GALNT13: variants seen among roughly 807,000 people sequenced by gnomAD.
GALNT13 encodes polypeptide N-acetylgalactosaminyltransferase 13.
A neutral mutation model predicts 64.2 loss-of-function variants in GALNT13; 28 were observed. That is an observed-to-expected ratio of 0.44 (90% CI 0.32 to 0.60). The LOEUF (loss-of-function observed/expected upper bound fraction) is 0.60. GALNT13 is among the 20% of genes least tolerant of loss of function. The pLI is 0.05. For synonymous variants in GALNT13, 214 were observed against 224.6 expected, an observed-to-expected ratio of 0.95 and a Z score of 0.42; for missense variants, 577 against 669.8, an observed-to-expected ratio of 0.86 and a Z score of 1.53.
chr2:154,226,314 A>C (rs1214059639), intron 4 of GALNT13, among the ~76,000 whole-genome samples: 1 of 152,124 alleles, frequency 6.6e-6, no homozygotes, highest in African/African-American at 2.4e-5. Flanking sequence ...CACAAATCAC[A>C]TTCTCTGTCA....
At chr2:153,114,351 C>T in the GALNT13 span, among the ~76,000 whole-genome samples, 1 of 152,078 alleles carries the variant, frequency 6.6e-6, no homozygotes, top group African/African-American at 2.4e-5. Flanking sequence ...CTCCCCTGAC[C>T]CTGGCTCTTG....
chr2:154,166,380 G>T lies in GALNT13; in HGVS notation c.311+25875G>T, dbSNP rs551542152. Among the ~76,000 whole-genome samples the T allele has an allele frequency of 3.9e-5, 6 of 152,298 alleles. No individual in the cohort carries two copies. In the East Asian group the frequency reaches 1.2e-3, roughly 29 times the overall value. ...AGATCACGCCACTGCACTTCAGCCTGGGCAATGAAGTGAGACTCCATCTCA... is the reference window on the plus strand; with the variant it reads ...AGATCACGCCACTGCACTTCAGCCTTGGCAATGAAGTGAGACTCCATCTCA... On this transcript the variant is annotated intron_variant, in intron 4 of 12. Coordinates refer to ENST00000392825, the MANE Select transcript of GALNT13 (RefSeq NM_052917.4).
At chr2:153,573,950 G>T in the GALNT13 span, among the ~76,000 whole-genome samples, 1 of 151,880 alleles carries the variant, frequency 6.6e-6, no homozygotes, top group Admixed American at 6.6e-5. Flanking sequence ...GTACCTTCAG[G>T]TGATTATTTA....
the GALNT13 span, among the ~76,000 whole-genome samples, chr2:153,376,031 C>T: frequency 4.6e-5 from 7 of 152,082 alleles, no homozygotes; most frequent in African/African-American, 1.7e-4. Flanking sequence ...ATTCACTCAT[C>T]CCTGCCCACT....
the GALNT13 span, among the ~76,000 whole-genome samples, chr2:153,274,979 T>G: frequency 6.6e-6 from 1 of 152,246 alleles, no homozygotes; most frequent in African/African-American, 2.4e-5. Flanking sequence ...ATTTCTCATT[T>G]GATAAATTTT....
the GALNT13 span, among the ~76,000 whole-genome samples, chr2:153,510,498 C>T: frequency 6.6e-6 from 1 of 152,116 alleles, no homozygotes; most frequent in South Asian, 2.1e-4. Context: ...AAAGCCAACA[C>T]AGGTAACAAG....
At chr2:153,406,384 T>C in the GALNT13 span, among the ~76,000 whole-genome samples, 1 of 152,204 alleles carries the variant, frequency 6.6e-6, no homozygotes, top group Admixed American at 6.5e-5. Context: ...AGAGAGATTT[T>C]ACAATTTGTT....
At chr2:153,604,240 C>T in the GALNT13 span, among the ~76,000 whole-genome samples, 104 of 152,006 alleles carry the variant, frequency 6.8e-4, no homozygotes, top group Non-Finnish European at 1.2e-3. Flanking sequence ...TACCAAGGGT[C>T]GTAAGTGATT....
the GALNT13 span, among the ~76,000 whole-genome samples, chr2:153,765,869 A>C: frequency 6.6e-6 from 1 of 152,242 alleles, no homozygotes; most frequent in South Asian, 2.1e-4. Context: ...TGGTTTTATA[A>C]ATGGGAGTCC....
chr2:153,148,390 T>C, the GALNT13 span, among the ~76,000 whole-genome samples: 1 of 151,822 alleles, frequency 6.6e-6, no homozygotes, highest in South Asian at 2.1e-4. Context: ...GCTTCCTGAA[T>C]GATTGTGTTC....
chr2:153,571,147 C>T, the GALNT13 span, among the ~76,000 whole-genome samples: 1 of 151,748 alleles, frequency 6.6e-6, no homozygotes, highest in African/African-American at 2.4e-5. Context: ...CAGTATTTTA[C>T]AGTTTTAATT....
At chr2:153,966,219 C>CTTTT (rs761961683) in intron 3 of GALNT13, among the ~76,000 whole-genome samples, 8 of 120,106 alleles carry the variant, frequency 6.7e-5, no homozygotes, top group East Asian at 4.9e-4. Flanking sequence ...GGTTGGATTT[C>CTTTT]TTTTTTTTTT....
At chr2:154,000,447 C>T (rs1302869704) in intron 3 of GALNT13, among the ~76,000 whole-genome samples, 1 of 151,818 alleles carries the variant, frequency 6.6e-6, no homozygotes, top group Non-Finnish European at 1.5e-5. Context: ...TTATGTTGCT[C>T]TAAAATTTTC....
chr2:154,119,858 A>G (rs923195276), intron 3 of GALNT13, among the ~76,000 whole-genome samples: 2 of 152,084 alleles, frequency 1.3e-5, no homozygotes, highest in Non-Finnish European at 2.9e-5. Flanking sequence ...TCATCCATAT[A>G]TCCTTGTACT....
chr2:153,134,123 G>A, the GALNT13 span, among the ~76,000 whole-genome samples: 1 of 151,710 alleles, frequency 6.6e-6, no homozygotes, highest in East Asian at 1.9e-4. Flanking sequence ...TAAGATGAAG[G>A]AAATTGAAAA....
rs185492505 is a variant in GALNT13 at position 154,303,752 on chromosome 2, G to T, written c.1156+2163G>T. On this transcript the variant is annotated intron_variant, in intron 9 of 12. Transcript: ENST00000392825. ...AAGGTCCAAGTTTAGTCCTCATAAG[G>T]AAATTCAAACTTTTTTTTTTTTTTG... Among the ~76,000 whole-genome samples, 255 of 151,866 alleles carry T rather than the reference G, an allele frequency of 1.7e-3. 1 individual carries two copies. The highest frequency in any genetic ancestry group is 6.0e-3 in the African/African-American group (247 of 41,444).
the GALNT13 span, among the ~76,000 whole-genome samples, chr2:153,099,429 TTATGGAAAAGTACAATATTGATA>T: frequency 1.3e-5 from 2 of 152,194 alleles, no homozygotes; most frequent in African/African-American, 4.8e-5. Context: ...ACTCTCACTG[TTATGGAAAAGTACAATATTGATA>T]TATTGATAAA....
At chr2:154,170,585 A>G (rs1479747819) in intron 4 of GALNT13, among the ~76,000 whole-genome samples, 2 of 152,200 alleles carry the variant, frequency 1.3e-5, no homozygotes, top group African/African-American at 4.8e-5. Flanking sequence ...TGCTTCTACA[A>G]GACAGGCAGA....
the GALNT13 span, among the ~76,000 whole-genome samples, chr2:153,339,996 A>G: frequency 1.3e-5 from 2 of 151,956 alleles, no homozygotes; most frequent in Non-Finnish European, 2.9e-5. Context: ...TGTCTTTATT[A>G]TTGTAGCTTT....
Sources: allele counts gnomAD v4.1 joint callset (sites outside exome capture counted in the v4.1 genomes callset), GRCh38; gene constraint gnomAD v4.1.1; transcripts MANE v1.5; gene names NCBI Gene and HGNC (gene_info 2026-07-23, HGNC 2026-07-21).